The following VPS9D1 variants were observed in gnomAD, a reference collection of about 807,000 sequenced individuals.
VPS9D1 encodes the protein VPS9 domain-containing protein 1.
In VPS9D1, 78 loss-of-function variants were observed where a neutral mutation model predicts 75.8. The ratio of observed to expected loss-of-function variants is 1.03; its 90% CI spans 0.86 to 1.24. VPS9D1 has a LOEUF of 1.24. Among genes scored for constraint, VPS9D1 ranks in the 50% most tolerant of loss-of-function variants. The pLI, the probability that VPS9D1 is intolerant of heterozygous loss-of-function variation, is 0.00. For synonymous variants in VPS9D1, 481 were observed against 385.6 expected, an observed-to-expected ratio of 1.25 and a Z score of -2.90; for missense variants, 1,057 against 847.7, an observed-to-expected ratio of 1.25 and a Z score of -3.07.
Position 89,712,726 on chromosome 16 carries a change from T to TGAGA in VPS9D1, c.432-11_432-10insTCTC. The TGAGA allele has an allele frequency of 6.4e-7, 1 of 1,574,656 alleles. No individual in the cohort carries two copies. Among genetic ancestry groups the TGAGA allele is most frequent in the Non-Finnish European group, 8.6e-7 (1 of 1,161,982 alleles). On this transcript the variant is annotated splice_polypyrimidine_tract_variant and intron_variant, in intron 4 of 14. Coordinates refer to ENST00000389386, the MANE Select transcript of VPS9D1 (RefSeq NM_004913.3). ...CAGTGGCGTCAGCTCTCTGGAAATG[T>TGAGA]GACAAGCTGCTGTCTAGACCCCAGG... is the stretch of plus-strand genomic sequence containing the variant.
chr16:89,708,655 C>T (rs1393431478), intron 13 of VPS9D1, 124 bp from the exon 14 acceptor site: 77 of 1,172,234 alleles, frequency 6.6e-5, no homozygotes, highest in Non-Finnish European at 8.2e-5. Flanking sequence ...GCAGAGGCAC[C>T]GGAAGGCAGC....
At position 89,707,530 on chromosome 16, in the gene VPS9D1, T is replaced by A. The variant is rs573443671; in HGVS notation, c.*331A>T. 1.5e-4 allele frequency: 35 copies of A among 227,690 alleles called. 1 individual carries two copies. The East Asian group carries it at 3.4e-3, about 22-fold the overall frequency. The allele number at this position is 227,690 out of a possible 1,614,324, so 14.1% of individuals were successfully genotyped here. On this transcript the variant is annotated 3_prime_UTR_variant, in exon 15 of 15. Coordinates refer to ENST00000389386, the MANE Select transcript of VPS9D1 (RefSeq NM_004913.3). ...CTCCCCAGGAGCTGCCCCAGCCAGATGTTCATCGCTGAGCCTGCACCCACC... is the reference window on the plus strand; with the variant it reads ...CTCCCCAGGAGCTGCCCCAGCCAGAAGTTCATCGCTGAGCCTGCACCCACC...
chr16:89,712,286 G>A (rs976674149), intron 6 of VPS9D1, 174 bp downstream of exon 6: 2 of 1,319,142 alleles, frequency 1.5e-6, no homozygotes, highest in South Asian at 2.6e-5. Flanking sequence ...AGAGAACATG[G>A]GGGACGGCGG....
At position 89,711,076 on chromosome 16, in the gene VPS9D1, C is replaced by T. The variant is rs938640313; in HGVS notation, c.834-66G>A. The T allele has an allele frequency of 3.6e-6, 5 of 1,404,526 alleles. No homozygotes were observed. In the Admixed American group the frequency reaches 8.6e-5, roughly 24 times the overall value. The allele number at this position is 1,404,526 out of a possible 1,614,324, so 87.0% of individuals were successfully genotyped here. On this transcript the variant is annotated intron_variant, in intron 9 of 14. Transcript: ENST00000389386. The stretch of plus-strand genomic sequence containing the variant: ...CTCTCCGTGGCATCCACAGGTGCCG[C>T]GCTATGCCCGGTTTCAGAGAAGCGA...
chr16:89,708,480 G>T lies in VPS9D1; in HGVS notation c.1749C>A (p.Gly583=). The T allele has an allele frequency of 6.2e-7, 1 of 1,613,142 alleles. No homozygotes were observed. Residue 583 remains glycine (G), a synonymous_variant, in exon 14 of 15, where the codon GGC becomes GGA. Transcript: ENST00000389386. ...PILSFVVLRS[G]LPQLVSECAA... is the part of the protein sequence containing the mutation. Reference sequence around the variant, plus strand: ...CGCACTCCGACACCAGCTGAGGGAGGCCGCTCCTCAGCACCACGAAGGACA... The same window carrying T: ...CGCACTCCGACACCAGCTGAGGGAGTCCGCTCCTCAGCACCACGAAGGACA...
rs1597911912 is a variant in VPS9D1 at position 89,711,977 on chromosome 16, G to A, written c.660-8C>T. 3.9e-6 allele frequency: 6 copies of A among 1,550,640 alleles called. No individual in the cohort carries two copies. Among genetic ancestry groups the A allele is most frequent in the East Asian group, 2.4e-5 (1 of 40,934 alleles). On this transcript the variant is annotated splice_polypyrimidine_tract_variant and splice_region_variant and intron_variant, in intron 7 of 14. Coordinates refer to ENST00000389386, the MANE Select transcript of VPS9D1 (RefSeq NM_004913.3). ...ACTTGGCTGCAAAACCTCCTGGGGA[G>A]AAAGGCACGCGGTGGGTGCCGGGGC...
Position 89,711,926 on chromosome 16 carries a change from G to A in VPS9D1, c.703C>T (p.Gln235Ter), listed in dbSNP as rs749174018. The stretch of plus-strand genomic sequence containing the variant: ...AGGATGGCGGCGTAAAGGGCCCGCT[G>A]CTCCCGTTCCTCCGGGGTCAGGGCG... ...QVALTPEERE[Q>*]RALYAAILEY... The change falls in exon 8 of 15, where the codon CAG becomes TAG. Residue 235 changes from glutamine (Q) to a stop codon, truncating the protein, a stop_gained. Coordinates refer to ENST00000389386, the MANE Select transcript of VPS9D1 (RefSeq NM_004913.3). LOFTEE classifies it high-confidence loss of function. 3.9e-6 allele frequency: 6 copies of A among 1,551,660 alleles called. No homozygotes were observed. The South Asian group carries it at 7.1e-5, about 18-fold the overall frequency.
At position 89,716,447 on chromosome 16, in the gene VPS9D1, T is replaced by A; in HGVS notation, c.431+15A>T. 5.6e-6 allele frequency: 9 copies of A among 1,613,674 alleles called. No individual in the cohort carries two copies. The highest frequency in any genetic ancestry group is 7.6e-6 in the Non-Finnish European group (9 of 1,179,870). On this transcript the variant is annotated intron_variant, in intron 4 of 14. Coordinates refer to ENST00000389386, the MANE Select transcript of VPS9D1 (RefSeq NM_004913.3). ...AATCCCAGGCTCATCCCACCTCCCATCTTGTCCATCTTACTTCTTACAGCT... is the reference window on the plus strand; with the variant it reads ...AATCCCAGGCTCATCCCACCTCCCAACTTGTCCATCTTACTTCTTACAGCT...
Position 89,720,765 on chromosome 16 carries a change from G to A in VPS9D1, c.97C>T (p.Arg33Trp). The A allele has an allele frequency of 1.1e-5, 16 of 1,448,720 alleles. No homozygotes were observed. Among genetic ancestry groups the A allele is most frequent in the Non-Finnish European group, 1.4e-5 (15 of 1,097,124 alleles). 89.7% of individuals were successfully genotyped at this position (1,448,720 alleles called of 1,614,324 possible). ...GCCCCGCCCCCGCCCCGCCTCACCCGGGGCCGGTTGCCGGTGTCCAGCTCG... is the reference window on the plus strand; with the variant it reads ...GCCCCGCCCCCGCCCCGCCTCACCCAGGGCCGGTTGCCGGTGTCCAGCTCG... Reference protein sequence around the residue: ...AIELDTGNRPREAYTEYLRSI... With the variant: ...AIELDTGNRPWEAYTEYLRSI... Residue 33 changes from arginine (R) to tryptophan (W), a missense_variant and splice_region_variant, in exon 1 of 15, where the codon CGG (arginine) becomes TGG (tryptophan). Transcript: ENST00000389386.
At chr16:89,712,001 G>A in intron 7 of VPS9D1, 32 bp from the exon 8 acceptor site, 1 of 1,549,560 alleles carries the variant, frequency 6.5e-7, no homozygotes, top group East Asian at 2.4e-5. Flanking sequence ...GGGTGCCGGG[G>A]CCAGGCCCTC....
intron 4 of VPS9D1, 59 bp from the exon 5 acceptor site, chr16:89,712,775 AGAGGAGT>A: frequency 7.1e-7 from 1 of 1,409,176 alleles, no homozygotes; most frequent in Non-Finnish European, 9.5e-7. Context: ...TCTGGACACC[AGAGGAGT>A]CTCTCTCATC....
In VPS9D1 at chr16:89,708,875, G is replaced by A; in HGVS notation, c.1679C>T (p.Pro560Leu). The part of the protein sequence containing the change: ...PEATPQAGPP[P>L]IAAAAIGADD... ...GACTCACATGGCAGCTGCAGCGATG[G>A]GCGGGGGCCCGGCCTGGGGTGTGGC... The change falls in exon 13 of 15, where the codon CCC (proline) becomes CTC (leucine). Residue 560 changes from proline (P) to leucine (L), a missense_variant. By Grantham distance (98) the Pro-to-Leu change is moderately conservative. Transcript: ENST00000389386. 1.3e-6 allele frequency: 2 copies of A among 1,584,270 alleles called. No individual in the cohort carries two copies. The highest frequency in any genetic ancestry group is 1.2e-5 in the South Asian group (1 of 85,952).
Position 89,709,308 on chromosome 16 carries a change from CAGTGGCCCCCTTGGCCTCAGGGTTCT to C in VPS9D1, c.1490_1515del (p.Gln497ArgfsTer65). On this transcript the variant is annotated frameshift_variant, in exon 12 of 15. Transcript: ENST00000389386. LOFTEE classifies it high-confidence loss of function. ...TGGGCCGCCGCGCAGTAGGGGTAGC[CAGTGGCCCCCTTGGCCTCAGGGTTCT>C]GGGGGAGGAGCTTGGTGGGGATGCC... 1.2e-6 allele frequency: 2 copies of C among 1,606,600 alleles called. No individual in the cohort carries two copies. Among genetic ancestry groups the C allele is most frequent in the Non-Finnish European group, 1.7e-6 (2 of 1,178,146 alleles).
chr16:89,717,794 G>T (rs545206411), intron 2 of VPS9D1: 4 of 456,450 alleles, frequency 8.8e-6, no homozygotes, highest in Non-Finnish European at 1.8e-5. Flanking sequence ...CGAGCTCACC[G>T]GCTCCCTAGG....
intron 12 of VPS9D1, 69 bp from the exon 13 acceptor site, chr16:89,709,025 G>GGCCCCCCCCC: frequency 4.8e-6 from 3 of 627,190 alleles, no homozygotes; most frequent in South Asian, 3.0e-5. Context: ...CTTATACCCC[G>GGCCCCCCCCC]CCCACCCACC....
At chr16:89,720,303 C>T in intron 1 of VPS9D1, 2 of 719,068 alleles carry the variant, frequency 2.8e-6, no homozygotes, top group Non-Finnish European at 3.4e-6. Flanking sequence ...CCACACCCCT[C>T]CGGCCTGCTT....
At position 89,716,624 on chromosome 16, in the gene VPS9D1, C is replaced by T; in HGVS notation, c.269G>A (p.Gly90Glu). ...ERAQSTAAKL[G>E]KTRLKPTMPA... Reference sequence around the variant, plus strand: ...CATGGTTGGCTTCAGGCGTGTTTTCCCTGCAAGCCATGGGTAACCAGGGGT... The same window carrying T: ...CATGGTTGGCTTCAGGCGTGTTTTCTCTGCAAGCCATGGGTAACCAGGGGT... The change falls in exon 4 of 15, where the codon GGG becomes GAG. Residue 90 changes from glycine to glutamate, a missense_variant and splice_region_variant. Gly to Glu is a moderately conservative substitution (Grantham distance 98). Coordinates refer to ENST00000389386, the MANE Select transcript of VPS9D1 (RefSeq NM_004913.3). 1 of 1,612,680 alleles carries T rather than the reference C, an allele frequency of 6.2e-7. No individual in the cohort carries two copies. Among genetic ancestry groups the T allele is most frequent in the Non-Finnish European group, 8.5e-7 (1 of 1,179,040 alleles).
At chr16:89,719,505 T>C (rs1204766736) in intron 1 of VPS9D1, 2 of 374,696 alleles carry the variant, frequency 5.3e-6, no homozygotes, top group Non-Finnish European at 1.1e-5. Context: ...TCAAGGGTGA[T>C]TCATTCAGTG....
chr16:89,708,074 G>T, intron 14 of VPS9D1, 120 bp from the exon 15 acceptor site: 1 of 928,920 alleles, frequency 1.1e-6, no homozygotes, highest in Non-Finnish European at 1.7e-6. Flanking sequence ...TGGGCAGGTG[G>T]GGCTGTCAGG....
Sources: allele counts gnomAD v4.1 joint callset, GRCh38; gene constraint gnomAD v4.1.1; transcripts MANE v1.5; gene names NCBI Gene and HGNC (gene_info 2026-07-23, HGNC 2026-07-21).